ROBO2: variants seen among roughly 807,000 people sequenced by gnomAD.
The protein encoded by ROBO2 is roundabout guidance receptor 2.
Under a neutral mutation model 160.8 loss-of-function variants are expected in ROBO2, and 53 were observed. That is an observed-to-expected ratio of 0.33 (90% CI 0.26 to 0.41). The LOEUF (loss-of-function observed/expected upper bound fraction) is 0.41, where lower values mean the gene tolerates loss of function less well. Ranked by LOEUF, ROBO2 falls within the 10% of genes least tolerant of loss-of-function variation. ROBO2 has a pLI of 1.00. For synonymous variants in ROBO2, 664 were observed against 611.7 expected (o/e 1.09, Z -1.26); for missense variants, 1,577 against 1,722.4 (o/e 0.92, Z 1.49).
intron 2 of ROBO2, among the ~76,000 whole-genome samples, chr3:75,999,025 T>C (rs2065807702): frequency 6.6e-6 from 1 of 152,318 alleles, no homozygotes; most frequent in East Asian, 1.9e-4. Flanking sequence ...CCACGTTCCT[T>C]GGAGGTGGTA....
chr3:76,922,080 G>A (rs868772660), intron 2 of ROBO2, among the ~76,000 whole-genome samples: 10 of 152,288 alleles, frequency 6.6e-5, no homozygotes, highest in Non-Finnish European at 1.0e-4. Context: ...GGGAGACCAA[G>A]GCGGGCAGAT....
chr3:77,452,868 G>A (rs1328483618), intron 2 of ROBO2, among the ~76,000 whole-genome samples: 1 of 152,114 alleles, frequency 6.6e-6, no homozygotes, highest in Non-Finnish European at 1.5e-5. Flanking sequence ...ACACATACAA[G>A]CCAATGTGAA....
At chr3:76,420,784 A>G (rs1444634934) in intron 2 of ROBO2, among the ~76,000 whole-genome samples, 1 of 152,240 alleles carries the variant, frequency 6.6e-6, no homozygotes, top group Non-Finnish European at 1.5e-5. Context: ...TTTCTCTAAC[A>G]GTATTAACAA....
intron 16 of ROBO2, among the ~76,000 whole-genome samples, chr3:77,582,709 C>T (rs1401459344): frequency 6.6e-6 from 1 of 151,968 alleles, no homozygotes; most frequent in African/African-American, 2.4e-5. Context: ...TATTATTATA[C>T]CTTTTACTTC....
chr3:76,574,574 A>G (rs768375088), intron 2 of ROBO2, among the ~76,000 whole-genome samples: 6 of 152,138 alleles, frequency 3.9e-5, no homozygotes, highest in Non-Finnish European at 7.4e-5. Flanking sequence ...GATATATGGT[A>G]AATCACATAT....
chr3:76,724,368 C>T (rs2093513973), intron 2 of ROBO2, among the ~76,000 whole-genome samples: 1 of 152,146 alleles, frequency 6.6e-6, no homozygotes, highest in African/African-American at 2.4e-5. Context: ...ATCCAACTAC[C>T]ATCTTGACTG....
At chr3:76,926,558 T>C (rs2077004819) in intron 2 of ROBO2, among the ~76,000 whole-genome samples, 1 of 152,230 alleles carries the variant, frequency 6.6e-6, no homozygotes, top group South Asian at 2.1e-4. Context: ...TTTTCTCTTA[T>C]ATCCATGAGC....
At chr3:77,439,069 T>C (rs759095017) in intron 2 of ROBO2, among the ~76,000 whole-genome samples, 1 of 151,966 alleles carries the variant, frequency 6.6e-6, no homozygotes, top group Non-Finnish European at 1.5e-5. Context: ...AAGGACAATA[T>C]ATATTGTCCT....
chr3:77,030,159 T>C (rs968947012), intron 2 of ROBO2, among the ~76,000 whole-genome samples: 1 of 147,970 alleles, frequency 6.8e-6, no homozygotes, highest in African/African-American at 2.6e-5. Context: ...TTAGCCAGGA[T>C]TGTCTCGATC....
At chr3:77,072,216 C>A (rs956661188) in intron 1 of ROBO2, among the ~76,000 whole-genome samples, 1 of 152,134 alleles carries the variant, frequency 6.6e-6, no homozygotes, top group Non-Finnish European at 1.5e-5. Flanking sequence ...CCCATCCCCC[C>A]AGATGGGACT....
chr3:77,194,518 A>T (rs11713333), intron 2 of ROBO2, among the ~76,000 whole-genome samples: 29,824 of 152,170 alleles, frequency 0.2, 3,366 homozygotes, highest in Middle Eastern at 0.3. Context: ...CTGCAGAAAA[A>T]TGAGTTCATT....
chr3:76,696,495 C>T lies in ROBO2; in HGVS notation c.110-401519C>T, dbSNP rs75186357. Among the ~76,000 whole-genome samples the T allele has an allele frequency of 7.8e-3, 1,183 of 151,932 alleles. 22 individuals carry two copies. The highest frequency in any genetic ancestry group is 0.027 in the African/African-American group (1,131 of 41,428). On this transcript the variant is annotated intron_variant, in intron 2 of 26. Transcript: ENST00000487694. ...GGCTCGAATGCCTGGGTTTATATCC[C>T]GATCATTTAATGAACCATTAGAAAT... is the stretch of plus-strand genomic sequence containing the variant.
intron 5 of ROBO2, among the ~76,000 whole-genome samples, chr3:77,506,943 C>T (rs1186126206): frequency 6.6e-6 from 1 of 152,024 alleles, no homozygotes; most frequent in Non-Finnish European, 1.5e-5. Context: ...TCATTTAACA[C>T]AAGAAGAGGA....
chr3:76,620,777 C>A (rs1367604526), intron 2 of ROBO2, among the ~76,000 whole-genome samples: 1 of 152,008 alleles, frequency 6.6e-6, no homozygotes, highest in Admixed American at 6.6e-5. Context: ...AGTTCCAATT[C>A]TATATTATAA....
chr3:76,190,293 C>G (rs890349766), intron 2 of ROBO2, among the ~76,000 whole-genome samples: 1 of 152,004 alleles, frequency 6.6e-6, no homozygotes, highest in African/African-American at 2.4e-5. Context: ...GTGTCCCTCC[C>G]GAAGAGGTGT....
At chr3:76,650,406 TG>T (rs1250436831) in intron 2 of ROBO2, among the ~76,000 whole-genome samples, 1 of 152,276 alleles carries the variant, frequency 6.6e-6, no homozygotes, top group East Asian at 1.9e-4. Context: ...TAGCATTCTC[TG>T]GCTTTGCTTT....
At chr3:77,076,341 G>A (rs2067999070) in intron 1 of ROBO2, among the ~76,000 whole-genome samples, 1 of 151,916 alleles carries the variant, frequency 6.6e-6, no homozygotes, top group East Asian at 1.9e-4. Context: ...TTAAATTATA[G>A]CACCTAATTC....
intron 5 of ROBO2, 110 bp downstream of exon 5, chr3:77,493,492 C>T: frequency 8.2e-7 from 1 of 1,221,246 alleles, no homozygotes; most frequent in Non-Finnish European, 1.2e-6. Flanking sequence ...GGGGTACTTT[C>T]ACTCATGTGA....
chr3:77,437,471 A>G (rs1429922934), intron 2 of ROBO2, among the ~76,000 whole-genome samples: 1 of 152,004 alleles, frequency 6.6e-6, no homozygotes, highest in Admixed American at 6.6e-5. Flanking sequence ...TTATTATTAC[A>G]TTATAGATAA....
Sources: allele counts gnomAD v4.1 joint callset (sites outside exome capture counted in the v4.1 genomes callset), GRCh38; gene constraint gnomAD v4.1.1; transcripts MANE v1.5; gene names NCBI Gene and HGNC (gene_info 2026-07-23, HGNC 2026-07-21).